The following RTL4 variants were observed in gnomAD, a reference collection of about 807,000 sequenced individuals.
The protein encoded by RTL4 is retrotransposon Gag-like protein 4.
In RTL4, 4 loss-of-function variants were observed where a neutral mutation model predicts 5.3. The ratio of observed to expected loss-of-function variants is 0.75; its 90% CI spans 0.37 to 1.72. The LOEUF is 1.72. Among genes scored for constraint, RTL4 ranks in the 40% most tolerant of loss-of-function variants. RTL4 has a pLI of 0.04. For synonymous variants in RTL4, 98 were observed against 87.3 expected (o/e 1.12, Z -0.68); for missense variants, 260 against 227.1 (o/e 1.14, Z -0.93).
chrX:112,185,376 AATAT>A, the RTL4 span, among the ~76,000 whole-genome samples: 24 of 85,342 alleles, frequency 2.8e-4, no homozygotes, highest in African/African-American at 5.5e-4. Flanking sequence ...CTATTTTATT[AATAT>A]ATATATATAT....
chrX:112,102,745 AC>A, the RTL4 span, among the ~76,000 whole-genome samples: 1 of 112,106 alleles, frequency 8.9e-6, no homozygotes. Context: ...CAAGAAAAAA[AC>A]AACCCCATTA....
At chrX:112,345,592 C>G in the RTL4 span, among the ~76,000 whole-genome samples, 1 of 111,467 alleles carries the variant, frequency 9.0e-6, no homozygotes, top group Non-Finnish European at 1.9e-5. Context: ...CTGACCTATA[C>G]CTCTCCCTAT....
At chrX:112,409,950 A>T in the RTL4 span, among the ~76,000 whole-genome samples, 1 of 111,245 alleles carries the variant, frequency 9.0e-6, no homozygotes, top group Non-Finnish European at 1.9e-5. Flanking sequence ...AATTAAAAAA[A>T]AAACAAGACT....
the RTL4 span, among the ~76,000 whole-genome samples, chrX:112,345,310 T>C: frequency 1.8e-5 from 2 of 111,109 alleles, no homozygotes; most frequent in African/African-American, 3.3e-5. Context: ...TTCCCTTGAG[T>C]TCAGTTCCCG....
the RTL4 span, among the ~76,000 whole-genome samples, chrX:112,285,663 C>T: frequency 4.4e-4 from 49 of 111,481 alleles, no homozygotes; most frequent in African/African-American, 1.6e-3. Context: ...CCTGGATCCT[C>T]ACCTTTTTCA....
the RTL4 span, among the ~76,000 whole-genome samples, chrX:112,180,883 G>C: frequency 8.9e-6 from 1 of 112,300 alleles, no homozygotes; most frequent in African/African-American, 3.2e-5. Flanking sequence ...AATTAGGATG[G>C]CTGGCAAGAT....
the RTL4 span, among the ~76,000 whole-genome samples, chrX:112,092,163 T>C: frequency 8.9e-6 from 1 of 112,097 alleles, no homozygotes; most frequent in Non-Finnish European, 1.9e-5. Flanking sequence ...TAAAGTCTGT[T>C]CTGCCTATCT....
At chrX:112,394,144 T>A in the RTL4 span, among the ~76,000 whole-genome samples, 1 of 109,976 alleles carries the variant, frequency 9.1e-6, no homozygotes, top group Non-Finnish European at 1.9e-5. Flanking sequence ...ATGGGGGAGG[T>A]TCTCTGGGTT....
chrX:112,328,495 C>A, the RTL4 span, among the ~76,000 whole-genome samples: 2 of 111,451 alleles, frequency 1.8e-5, no homozygotes, highest in African/African-American at 6.5e-5. Flanking sequence ...CAGGAGCACC[C>A]AGATTCATAA....
At chrX:112,157,679 T>C in the RTL4 span, among the ~76,000 whole-genome samples, 2 of 112,226 alleles carry the variant, frequency 1.8e-5, no homozygotes. Context: ...AACATTTTTA[T>C]GTTTATGCAC....
the RTL4 span, among the ~76,000 whole-genome samples, chrX:112,278,985 G>C: frequency 9.0e-6 from 1 of 111,222 alleles, no homozygotes; most frequent in Non-Finnish European, 1.9e-5. Flanking sequence ...AAAAATGAGT[G>C]AAAGGATTAG....
the RTL4 span, among the ~76,000 whole-genome samples, chrX:112,399,154 C>A: frequency 8.9e-6 from 1 of 111,844 alleles, no homozygotes; most frequent in African/African-American, 3.2e-5. Flanking sequence ...AATGTTGCCA[C>A]TCTCATTTCT....
At chrX:112,446,542 G>T in the RTL4 span, among the ~76,000 whole-genome samples, 4 of 112,145 alleles carry the variant, frequency 3.6e-5, no homozygotes, top group Non-Finnish European at 7.5e-5. Context: ...GCAGGGCTGG[G>T]TTTTCCATTT....
At chrX:112,416,935 C>T in the RTL4 span, among the ~76,000 whole-genome samples, 144 of 111,646 alleles carry the variant, frequency 1.3e-3, 1 homozygote, top group African/African-American at 4.5e-3. Context: ...ACAAATACAG[C>T]CCTTAGAATT....
the RTL4 span, among the ~76,000 whole-genome samples, chrX:112,251,472 G>A: frequency 9.0e-6 from 1 of 111,663 alleles, no homozygotes; most frequent in African/African-American, 3.3e-5. Flanking sequence ...TACACATCAG[G>A]CCATTTGAAA....
the RTL4 span, among the ~76,000 whole-genome samples, chrX:112,083,976 C>T: frequency 9.0e-6 from 1 of 111,301 alleles, no homozygotes; most frequent in African/African-American, 3.3e-5. Flanking sequence ...ATGTGAGTCT[C>T]TGCCTTTCTG....
the RTL4 span, among the ~76,000 whole-genome samples, chrX:112,282,536 T>C: frequency 1.8e-5 from 2 of 112,176 alleles, no homozygotes; most frequent in South Asian, 7.3e-4. Context: ...AAAAATGTTA[T>C]GTGAATTTTC....
chrX:112,407,407 G>A, the RTL4 span, among the ~76,000 whole-genome samples: 23 of 111,498 alleles, frequency 2.1e-4, 1 homozygote, highest in Admixed American at 1.6e-3. Context: ...ATGGAGTGAG[G>A]CTCCTCTACC....
the RTL4 span, among the ~76,000 whole-genome samples, chrX:112,254,576 C>T: frequency 9.0e-6 from 1 of 110,954 alleles, no homozygotes; most frequent in African/African-American, 3.3e-5. Flanking sequence ...ATCCACCTGC[C>T]TCAGCCTCCC....
Sources: gnomAD v4.1 joint callset for allele counts (sites outside exome capture counted in the v4.1 genomes callset) on GRCh38, gnomAD v4.1.1 for gene constraint, MANE v1.5 for transcripts, NCBI Gene and HGNC (gene_info 2026-07-23, HGNC 2026-07-21) for gene names.